The following PTPRA variants were observed in gnomAD, a reference collection of about 807,000 sequenced individuals.
PTPRA encodes protein tyrosine phosphatase receptor type A.
A neutral mutation model predicts 104.8 loss-of-function variants in PTPRA; 25 were observed. That is an observed-to-expected ratio of 0.24 (90% CI 0.17 to 0.33). The LOEUF is 0.33. PTPRA is among the 10% of genes least tolerant of loss of function. The pLI is 1.00. For synonymous variants in PTPRA, 323 were observed against 368.9 expected (o/e 0.88, Z 1.43); for missense variants, 765 against 1,015.3 (o/e 0.75, Z 3.35).
At chr20:2,996,388 A>G (rs1246109071) in intron 9 of PTPRA, among the ~76,000 whole-genome samples, 2 of 152,252 alleles carry the variant, frequency 1.3e-5, no homozygotes, top group African/African-American at 2.4e-5. Context: ...AAGAGGAGAA[A>G]TAACACATAG....
At position 3,038,342 on chromosome 20, in the gene PTPRA, G is replaced by C. The variant is rs1398728876; in HGVS notation, c.*209G>C. ...CAATGTTTTATTGGGGAATTAAATA[G>C]TGTGATGTTTGGATTGATATCGTGA... On this transcript the variant is annotated 3_prime_UTR_variant, in exon 24 of 24. Coordinates refer to ENST00000399903, the MANE Select transcript of PTPRA (RefSeq NM_001385305.1). The C allele has an allele frequency of 2.0e-6, 1 of 499,804 alleles. No homozygotes were observed. Among genetic ancestry groups the C allele is most frequent in the African/African-American group, 2.0e-5 (1 of 50,596 alleles). 31.0% of individuals were successfully genotyped at this position (499,804 alleles called of 1,614,324 possible).
At chr20:2,891,951 A>G (rs1432554721) in intron 1 of PTPRA, among the ~76,000 whole-genome samples, 1 of 151,922 alleles carries the variant, frequency 6.6e-6, no homozygotes, top group African/African-American at 2.4e-5. Context: ...TTATGGTTTT[A>G]TTTGTTTATT....
At chr20:2,894,424 C>A (rs542473730) in intron 1 of PTPRA, among the ~76,000 whole-genome samples, 13 of 152,254 alleles carry the variant, frequency 8.5e-5, no homozygotes, top group African/African-American at 3.1e-4. Flanking sequence ...CTGTTGGGTC[C>A]TGTGCCACAC....
rs574779679 is a variant in PTPRA at position 3,024,324 on chromosome 20, C to T, written c.1465-148C>T. On this transcript the variant is annotated intron_variant, in intron 16 of 23. Coordinates refer to ENST00000399903, the MANE Select transcript of PTPRA (RefSeq NM_001385305.1). Reference sequence around the variant, plus strand: ...CTCCTGCATTTCAAGTCCCACTTCACTAAATTGGGATAATAAGAGGGAGTC... The same window carrying T: ...CTCCTGCATTTCAAGTCCCACTTCATTAAATTGGGATAATAAGAGGGAGTC... 3.5e-6 allele frequency: 3 copies of T among 851,060 alleles called. No individual in the cohort carries two copies. In the South Asian group the frequency reaches 5.8e-5, roughly 16 times the overall value. 52.7% of individuals were successfully genotyped at this position (851,060 alleles called of 1,614,324 possible).
intron 5 of PTPRA, among the ~76,000 whole-genome samples, chr20:2,966,634 C>G (rs1208989424): frequency 6.6e-6 from 1 of 152,174 alleles, no homozygotes; most frequent in Non-Finnish European, 1.5e-5. Context: ...TTACTGTGTG[C>G]TAGGCATCGT....
chr20:2,925,329 G>T (rs957244653), intron 2 of PTPRA, among the ~76,000 whole-genome samples: 1 of 152,166 alleles, frequency 6.6e-6, no homozygotes, highest in Non-Finnish European at 1.5e-5. Context: ...TTTCACAAAG[G>T]TATCTTGTTT....
At chr20:2,900,627 G>C (rs1382209744) in intron 1 of PTPRA, among the ~76,000 whole-genome samples, 1 of 151,592 alleles carries the variant, frequency 6.6e-6, no homozygotes, top group Non-Finnish European at 1.5e-5. Context: ...AGGCCGGGGC[G>C]GGTGGATCAC....
Position 2,917,829 on chromosome 20 carries a change from C to T in PTPRA, c.-128-5378C>T, listed in dbSNP as rs115254703. 8.1e-3 allele frequency among the ~76,000 whole-genome samples: 1,227 copies of T among 151,840 alleles called. 12 individuals are homozygous for T. The highest frequency in any genetic ancestry group is 0.026 in the South Asian group (127 of 4,814). On this transcript the variant is annotated intron_variant, in intron 1 of 23. Transcript: ENST00000399903. ...AAAAAAAAAGTAAGACTTTAGGGCG[C>T]AGTGTAATCCCAGCACTTTTGGAGA...
chr20:2,878,001 A>G (rs942204705), intron 1 of PTPRA, among the ~76,000 whole-genome samples: 4 of 152,116 alleles, frequency 2.6e-5, no homozygotes, highest in African/African-American at 9.7e-5. Flanking sequence ...AAATACAAAA[A>G]TTAGCTGGGT....
At chr20:3,033,010 C>T (rs1250721976) in intron 20 of PTPRA, among the ~76,000 whole-genome samples, 1 of 151,840 alleles carries the variant, frequency 6.6e-6, no homozygotes, top group African/African-American at 2.4e-5. Context: ...CACTCACTAA[C>T]CTGGCAGCTC....
rs953818388 is a variant in PTPRA at position 2,884,804 on chromosome 20, T to C, written c.-129+11044T>C. Among the ~76,000 whole-genome samples the C allele has an allele frequency of 3.8e-4, 40 of 106,484 alleles. 1 individual carries two copies. The Admixed American group carries it at 4.3e-3, about 12-fold the overall frequency. The allele number at this position is 106,484 out of a possible 152,430, so 69.9% of individuals were successfully genotyped here. A position where few individuals can be genotyped will look rare whatever the true frequency, so the allele number is the denominator to read the frequency against. On this transcript the variant is annotated intron_variant, in intron 1 of 23. Coordinates refer to ENST00000399903, the MANE Select transcript of PTPRA (RefSeq NM_001385305.1). The stretch of plus-strand genomic sequence containing the variant: ...AATGGTAACTCTCTGGTTTTTTTTG[T>C]TTTTTTTGTTTTTTTTTTTTTTTGA...
Position 3,029,135 on chromosome 20 carries a change from T to TTTTGTTTGTTTG in PTPRA, c.1920+1307_1920+1318dup, listed in dbSNP as rs71195812. Among the ~76,000 whole-genome samples the TTTTGTTTGTTTG allele has an allele frequency of 1.6e-3, 208 of 131,624 alleles. 3 individuals are homozygous for TTTTGTTTGTTTG. Among genetic ancestry groups the TTTTGTTTGTTTG allele is most frequent in the South Asian group, 5.4e-3 (21 of 3,918 alleles). The allele number at this position is 131,624 out of a possible 152,430, so 86.4% of individuals were successfully genotyped here. ...ATCAGGATTTTTTTTTTTTTTTTGG[T>TTTTGTTTGTTTG]TTTGTTTGTTTGTTTGTTTGTTTGA... is the stretch of plus-strand genomic sequence containing the variant. On this transcript the variant is annotated intron_variant, in intron 20 of 23. Transcript: ENST00000399903.
chr20:2,865,122 T>C, the PTPRA span: 27 of 1,614,006 alleles, frequency 1.7e-5, no homozygotes, highest in Non-Finnish European at 2.0e-5. The surrounding 1 kb of genome is among the most constrained non-coding windows in gnomAD (Gnocchi z 5.2). Context: ...CTCATCCCCA[T>C]CATGCCTCAT....
At chr20:2,914,513 A>T (rs953998676) in intron 1 of PTPRA, among the ~76,000 whole-genome samples, 1 of 151,660 alleles carries the variant, frequency 6.6e-6, no homozygotes, top group Non-Finnish European at 1.5e-5. Flanking sequence ...TAGTACCTCA[A>T]CACCTCAGAG....
At position 2,950,500 on chromosome 20, in the gene PTPRA, G is replaced by A. The variant is rs750901360; in HGVS notation, c.-7+2476G>A. On this transcript the variant is annotated intron_variant, in intron 3 of 23. Transcript: ENST00000399903. The surrounding 1 kb of genome is among the most constrained non-coding windows in gnomAD (Gnocchi z 4.0). ...AAAAATACAAAAAAAAAAATTAGCC[G>A]GGCGTGGTGGCAGGCACCTGTAGTC... 6.6e-6 allele frequency among the ~76,000 whole-genome samples: 1 copy of A among 151,788 alleles called. No homozygotes were observed. Among genetic ancestry groups the A allele is most frequent in the South Asian group, 2.1e-4 (1 of 4,806 alleles).
intron 11 of PTPRA, among the ~76,000 whole-genome samples, chr20:3,013,478 C>T (rs559202250): frequency 1.3e-5 from 2 of 150,454 alleles, no homozygotes; most frequent in South Asian, 2.1e-4. Flanking sequence ...AGTGCAATGG[C>T]GCGATCTCAC....
At chr20:2,964,205 TG>T in intron 3 of PTPRA, 66 bp from the exon 4 acceptor site, 2 of 1,307,970 alleles carry the variant, frequency 1.5e-6, no homozygotes, top group Non-Finnish European at 2.2e-6. Flanking sequence ...AATACTCTTC[TG>T]GTGACCAGCT....
intron 5 of PTPRA, among the ~76,000 whole-genome samples, chr20:2,971,659 C>T (rs540247602): frequency 2.6e-5 from 4 of 152,270 alleles, no homozygotes; most frequent in Admixed American, 2.0e-4. Context: ...TTTCATTATA[C>T]GTGGTACTGA....
chr20:3,038,118 T>C lies in PTPRA; in HGVS notation c.2394T>C (p.Tyr798=). 2 of 1,611,976 alleles carry C rather than the reference T, an allele frequency of 1.2e-6. No individual in the cohort carries two copies. Among genetic ancestry groups the C allele is most frequent in the Non-Finnish European group, 1.7e-6 (2 of 1,177,966 alleles). The stretch of plus-strand genomic sequence containing the variant: ...AGTATATTGATGCATTCTCAGATTA[T>C]GCCAACTTCAAGTAAGCGGCAACAA... The part of the protein sequence containing the change: ...VQEYIDAFSD[Y]ANFK The change falls in exon 24 of 24, where the codon TAT becomes TAC. Residue 798 remains tyrosine, a synonymous_variant. Transcript: ENST00000399903.
Sources: allele counts gnomAD v4.1 joint callset (sites outside exome capture counted in the v4.1 genomes callset), GRCh38; gene constraint gnomAD v4.1.1; non-coding constraint Gnocchi (gnomAD v3.1); transcripts MANE v1.5; gene names NCBI Gene and HGNC (gene_info 2026-07-23, HGNC 2026-07-21).